The following EPHA5 variants were observed in gnomAD, a reference collection of about 807,000 sequenced individuals.
EPHA5 encodes the protein ephrin type-A receptor 5.
EPHA5 carries 60 observed loss-of-function variants against 105.0 expected under a neutral mutation model. The observed-to-expected ratio is 0.57, with a 90% CI of 0.46 to 0.71. EPHA5 has a LOEUF of 0.71. Among genes scored for constraint, EPHA5 ranks in the 30% least tolerant of loss-of-function variants. EPHA5 has a pLI of 0.00. For missense variants in EPHA5, 1,218 were observed against 1,274.7 expected (o/e 0.96, Z 0.68); for synonymous variants, 513 against 449.1 (o/e 1.14, Z -1.80).
chr4:65,545,833 A>G (rs537027087), intron 3 of EPHA5, among the ~76,000 whole-genome samples: 7 of 152,034 alleles, frequency 4.6e-5, no homozygotes, highest in Admixed American at 2.6e-4. Context: ...CCCTGTTGTC[A>G]ACAATCAATC....
At chr4:65,480,987 T>C (rs1403680352) in intron 5 of EPHA5, among the ~76,000 whole-genome samples, 2 of 152,120 alleles carry the variant, frequency 1.3e-5, no homozygotes, top group Non-Finnish European at 2.9e-5. Flanking sequence ...AGGATCCATT[T>C]GGTGTTAAAG....
chr4:65,368,095 A>C (rs953042527), intron 8 of EPHA5, among the ~76,000 whole-genome samples: 4 of 152,000 alleles, frequency 2.6e-5, no homozygotes, highest in African/African-American at 9.7e-5. Context: ...TTAACCTCTA[A>C]ATACAATCTT....
At chr4:65,366,704 T>C (rs1435228128) in intron 9 of EPHA5, among the ~76,000 whole-genome samples, 2 of 151,998 alleles carry the variant, frequency 1.3e-5, no homozygotes, top group Non-Finnish European at 2.9e-5. Context: ...GCATGAGTTA[T>C]GGCTTTAATG....
At chr4:65,634,310 A>T (rs1422872862) in intron 2 of EPHA5, among the ~76,000 whole-genome samples, 1 of 152,126 alleles carries the variant, frequency 6.6e-6, no homozygotes, top group African/African-American at 2.4e-5. Flanking sequence ...TAATGAACAA[A>T]TAATGCATGT....
At chr4:65,445,126 C>CA (rs1159942356) in intron 5 of EPHA5, among the ~76,000 whole-genome samples, 11 of 151,992 alleles carry the variant, frequency 7.2e-5, no homozygotes, top group Non-Finnish European at 1.2e-4. Context: ...TTTGGATACA[C>CA]ATTTTTATAG....
chr4:65,432,038 T>C (rs1725028639), intron 5 of EPHA5, among the ~76,000 whole-genome samples: 1 of 152,128 alleles, frequency 6.6e-6, no homozygotes, highest in Non-Finnish European at 1.5e-5. Context: ...AACTGACAAA[T>C]GTCAGTTTAC....
intron 3 of EPHA5, among the ~76,000 whole-genome samples, chr4:65,514,425 C>G (rs995653653): frequency 1.3e-5 from 2 of 152,126 alleles, no homozygotes; most frequent in African/African-American, 4.8e-5. Context: ...CTCAAGAGGC[C>G]ACATGAAGAG....
rs1462945020 is a variant in EPHA5, at chr4:65,331,880, G to T, written c.2945+93C>A. ...TGAGAGCTGCCACACATCCGCAAAGGTTAACTGATTTCCCTTACCTCATCC... is the reference window on the plus strand; with the variant it reads ...TGAGAGCTGCCACACATCCGCAAAGTTTAACTGATTTCCCTTACCTCATCC... On this transcript the variant is annotated intron_variant, in intron 16 of 16. Coordinates refer to ENST00000613740, the MANE Select transcript of EPHA5 (RefSeq NM_001281766.3). 2.0e-6 allele frequency: 3 copies of T among 1,490,770 alleles called. No individual in the cohort carries two copies. The East Asian group carries it at 7.1e-5, about 35-fold the overall frequency. The allele number at this position is 1,490,770 out of a possible 1,614,324, so 92.3% of individuals were successfully genotyped here.
intron 5 of EPHA5, among the ~76,000 whole-genome samples, chr4:65,435,627 G>GA (rs1202005085): frequency 6.6e-6 from 1 of 152,002 alleles, no homozygotes; most frequent in East Asian, 1.9e-4. Context: ...CTTGTTATCT[G>GA]AAAAATCATT....
intron 5 of EPHA5, among the ~76,000 whole-genome samples, chr4:65,470,465 T>A (rs1467104238): frequency 6.6e-6 from 1 of 152,186 alleles, no homozygotes; most frequent in African/African-American, 2.4e-5. Context: ...GTACTGGCAT[T>A]ACACGTGTGA....
intron 3 of EPHA5, among the ~76,000 whole-genome samples, chr4:65,576,059 A>AAAGAAAGAAAAG (rs1491350087): frequency 1.6e-5 from 1 of 61,460 alleles, no homozygotes; most frequent in African/African-American, 5.8e-5. Context: ...AGAAAGAAAG[A>AAAGAAAGAAAAG]AAAGAAAAGA....
intron 2 of EPHA5, among the ~76,000 whole-genome samples, chr4:65,610,813 C>T (rs1744695426): frequency 6.6e-6 from 1 of 152,012 alleles, no homozygotes; most frequent in African/African-American, 2.4e-5. Context: ...ATGCAAATAA[C>T]AAATAGGTTT....
intron 5 of EPHA5, among the ~76,000 whole-genome samples, chr4:65,466,040 AG>A (rs1319475374): frequency 1.3e-5 from 2 of 152,230 alleles, no homozygotes; most frequent in Non-Finnish European, 1.5e-5. Flanking sequence ...ATAGTGTTAG[AG>A]GGTAATATGT....
At chr4:65,476,127 A>AGAGAGAGAGAGT (rs1425495059) in intron 5 of EPHA5, among the ~76,000 whole-genome samples, 73 of 119,190 alleles carry the variant, frequency 6.1e-4, no homozygotes, top group Middle Eastern at 8.7e-3. Flanking sequence ...AGAGAGAGAG[A>AGAGAGAGAGAGT]GTGTGTGTGT....
chr4:65,412,572 C>G (rs34663010), intron 7 of EPHA5, among the ~76,000 whole-genome samples: 24,614 of 151,876 alleles, frequency 0.16, 2,081 homozygotes, highest in Middle Eastern at 0.26. Flanking sequence ...AGCTAGGAGG[C>G]AGTATGATAT....
intron 7 of EPHA5, among the ~76,000 whole-genome samples, chr4:65,413,055 T>C (rs1036470445): frequency 6.6e-6 from 1 of 152,162 alleles, no homozygotes; most frequent in Non-Finnish European, 1.5e-5. Flanking sequence ...GGCTAACTTA[T>C]ATAGCATACC....
intron 11 of EPHA5, among the ~76,000 whole-genome samples, chr4:65,359,939 G>C (rs999977160): frequency 6.6e-6 from 1 of 151,464 alleles, no homozygotes; most frequent in African/African-American, 2.4e-5. Context: ...CTACTACATC[G>C]TTAATCTAAA....
intron 3 of EPHA5, among the ~76,000 whole-genome samples, chr4:65,597,469 A>G (rs1335794787): frequency 6.9e-6 from 1 of 144,960 alleles, no homozygotes; most frequent in Non-Finnish European, 1.5e-5. Flanking sequence ...AAAAAAAAAA[A>G]GTCTCACATG....
intron 3 of EPHA5, among the ~76,000 whole-genome samples, chr4:65,599,420 A>G (rs1304395640): frequency 6.6e-6 from 1 of 151,906 alleles, no homozygotes; most frequent in Non-Finnish European, 1.5e-5. Context: ...ATCTCTCAAC[A>G]ATATCTATGA....
Sources: allele counts gnomAD v4.1 joint callset (sites outside exome capture counted in the v4.1 genomes callset), GRCh38; gene constraint gnomAD v4.1.1; transcripts MANE v1.5; gene names NCBI Gene and HGNC (gene_info 2026-07-23, HGNC 2026-07-21).